Variants in EDARADD observed in about 807,000 individuals in gnomAD.
The protein encoded by EDARADD is ectodysplasin-A receptor-associated adapter protein.
A neutral mutation model predicts 25.6 loss-of-function variants in EDARADD; 20 were observed. The ratio of observed to expected loss-of-function variants is 0.78; its 90% confidence interval spans 0.55 to 1.14. The LOEUF (loss-of-function observed/expected upper bound fraction) is 1.14, where lower values mean the gene tolerates loss of function less well. EDARADD is among the 50% of genes most tolerant of loss of function. The pLI is 0.00. For missense variants in EDARADD, 225 were observed against 270.1 expected (o/e 0.83, Z 1.17); for synonymous variants, 86 against 94.4 (o/e 0.91, Z 0.52).
At chr1:236,375,817 G>A (rs12756444) in intron 3 of EDARADD, among the ~76,000 whole-genome samples, 43,453 of 151,508 alleles carry the variant, frequency 0.29, 6,549 homozygotes, top group East Asian at 0.38. Context: ...AGTCCAGGAG[G>A]TCAGGGCTAC....
intron 1 of EDARADD, among the ~76,000 whole-genome samples, chr1:236,405,867 T>C (rs1208464322): frequency 2.1e-4 from 13 of 60,852 alleles, no homozygotes; most frequent in African/African-American, 8.2e-4. Flanking sequence ...CCTTCCTTCC[T>C]TCCTTCCTTC....
intron 1 of EDARADD, among the ~76,000 whole-genome samples, chr1:236,397,285 C>T (rs1667534073): frequency 6.6e-6 from 1 of 152,068 alleles, no homozygotes; most frequent in Non-Finnish European, 1.5e-5. Flanking sequence ...CAGTGCATAC[C>T]TATAGTCCCA....
intron 3 of EDARADD, among the ~76,000 whole-genome samples, chr1:236,424,075 C>G (rs1657847971): frequency 6.6e-6 from 1 of 151,304 alleles, no homozygotes; most frequent in South Asian, 2.1e-4. Context: ...CACTGCACTC[C>G]AGCCTGGGTG....
chr1:236,484,519 C>G lies in EDARADD; in HGVS notation c.*1870C>G. On this transcript the variant is annotated 3_prime_UTR_variant, in exon 6 of 6. Transcript: ENST00000334232. This position sits in a 1 kb window ranked among gnomAD's most constrained non-coding sequence, Gnocchi z 4.1. ...TCACCTGGTGGCTAATTAGACCCCT[C>G]CCCTTGTGTCAACTCCGGCAGCTCA... 1 of 1,467,110 alleles carries G rather than the reference C, an allele frequency of 6.8e-7. No individual in the cohort carries two copies. 90.9% of individuals were successfully genotyped at this position (1,467,110 alleles called of 1,614,324 possible). A position where few individuals can be genotyped will look rare whatever the true frequency, so the allele number is the denominator to read the frequency against.
At chr1:236,416,423 A>G (rs73123265) in intron 3 of EDARADD, among the ~76,000 whole-genome samples, 6,555 of 152,320 alleles carry the variant, frequency 0.043, 361 homozygotes, top group African/African-American at 0.13. Context: ...ATCAGGCTCA[A>G]TATCTTTTTT....
chr1:236,392,238 T>G (rs1256543716), upstream of EDARADD, among the ~76,000 whole-genome samples: 1 of 152,200 alleles, frequency 6.6e-6, no homozygotes, highest in African/African-American at 2.4e-5. Flanking sequence ...CAATAGGAGC[T>G]TCTCTCAATA....
At chr1:236,421,269 T>C (rs1326901677) in intron 3 of EDARADD, among the ~76,000 whole-genome samples, 1 of 146,494 alleles carries the variant, frequency 6.8e-6, no homozygotes, top group African/African-American at 2.5e-5. Flanking sequence ...AGACAGGCTT[T>C]ATGGTATTAA....
chr1:236,429,047 A>T (rs1658019153), intron 4 of EDARADD, among the ~76,000 whole-genome samples: 1 of 151,934 alleles, frequency 6.6e-6, no homozygotes, highest in Admixed American at 6.6e-5. Flanking sequence ...GAGGCAGGAG[A>T]ATCAGGCAGG....
chr1:236,406,217 G>C (rs978266257), intron 1 of EDARADD, among the ~76,000 whole-genome samples: 10 of 151,992 alleles, frequency 6.6e-5, no homozygotes, highest in Non-Finnish European at 2.9e-5. Context: ...GAGGGAGAAG[G>C]GACTTCGGGC....
At chr1:236,351,600 C>T (rs1466386251) in intron 3 of EDARADD, among the ~76,000 whole-genome samples, 1 of 151,666 alleles carries the variant, frequency 6.6e-6, no homozygotes, top group Non-Finnish European at 1.5e-5. Flanking sequence ...ATCCCAGCTA[C>T]TCGGGAGGCT....
At chr1:236,411,487 C>T (rs185106183) in intron 2 of EDARADD, among the ~76,000 whole-genome samples, 34 of 151,806 alleles carry the variant, frequency 2.2e-4, no homozygotes, top group Admixed American at 3.3e-4. Flanking sequence ...GTTTGTGTCT[C>T]GTCTCTTCTT....
intron 3 of EDARADD, among the ~76,000 whole-genome samples, chr1:236,358,334 C>T (rs1284649825): frequency 6.6e-6 from 1 of 152,190 alleles, no homozygotes; most frequent in African/African-American, 2.4e-5. Context: ...CACAATAAAG[C>T]CAACTGAGAT....
intron 4 of EDARADD, among the ~76,000 whole-genome samples, chr1:236,467,424 G>GCACA (rs369424991): frequency 0.15 from 18,042 of 120,694 alleles, 1,385 homozygotes; most frequent in East Asian, 0.46. Flanking sequence ...GCACACACAC[G>GCACA]CGCACACACA....
chr1:236,390,337 C>T (rs1310415284), upstream of EDARADD, among the ~76,000 whole-genome samples: 1 of 152,084 alleles, frequency 6.6e-6, no homozygotes, highest in African/African-American at 2.4e-5. Context: ...GGGCGGATCA[C>T]GAGGTCAGGA....
intron 5 of EDARADD, among the ~76,000 whole-genome samples, chr1:236,477,663 G>A (rs534990776): frequency 1.3e-5 from 2 of 152,068 alleles, no homozygotes; most frequent in East Asian, 1.9e-4. Context: ...GAGGAAGTTC[G>A]GTGAGAGGTA....
At chr1:236,363,006 AATATATATAT>A (rs1184705463) in intron 3 of EDARADD, among the ~76,000 whole-genome samples, 1 of 42,948 alleles carries the variant, frequency 2.3e-5, no homozygotes, top group African/African-American at 1.1e-4. Flanking sequence ...AAAAAAAAAA[AATATATATAT>A]ATATATATAT....
chr1:236,380,835 C>T (rs528016987), intron 3 of EDARADD, among the ~76,000 whole-genome samples: 8 of 152,238 alleles, frequency 5.3e-5, no homozygotes, highest in South Asian at 2.1e-4. Flanking sequence ...GTGATCTTCT[C>T]GACTCAGCCT....
At chr1:236,389,740 C>T (rs1226726538), upstream of EDARADD, among the ~76,000 whole-genome samples, 1 of 152,162 alleles carries the variant, frequency 6.6e-6, no homozygotes, top group Non-Finnish European at 1.5e-5. Flanking sequence ...TGGTGGCCCA[C>T]ACATGTAATC....
At chr1:236,416,043 C>T (rs1227033959) in intron 3 of EDARADD, among the ~76,000 whole-genome samples, 2 of 152,126 alleles carry the variant, frequency 1.3e-5, no homozygotes, top group African/African-American at 2.4e-5. Flanking sequence ...TCCTCTTCTC[C>T]CCCTACTATT....
Sources: allele counts gnomAD v4.1 joint callset (sites outside exome capture counted in the v4.1 genomes callset), GRCh38; gene constraint gnomAD v4.1.1; non-coding constraint Gnocchi (gnomAD v3.1); transcripts MANE v1.5; gene names NCBI Gene and HGNC (gene_info 2026-07-23, HGNC 2026-07-21).